DNAH5: variants seen among roughly 807,000 people sequenced by gnomAD.
DNAH5 encodes the protein dynein axonemal heavy chain 5.
DNAH5 carries 372 observed loss-of-function variants against 518.2 expected under a neutral mutation model. The ratio of observed to expected loss-of-function variants is 0.72; its 90% CI spans 0.66 to 0.78. The LOEUF is 0.78. Ranked by LOEUF, DNAH5 falls within the 30% of genes least tolerant of loss-of-function variation. The probability of loss-of-function intolerance (pLI) is 0.00; values close to 1 mark genes in which losing one functional copy is unlikely to be tolerated. For missense variants in DNAH5, 5,523 were observed against 5,687.0 expected (o/e 0.97, Z 0.93); for synonymous variants, 2,039 against 2,025.9 (o/e 1.01, Z -0.17).
At chr5:13,775,133 G>GT (rs34258148) in intron 55 of DNAH5, among the ~76,000 whole-genome samples, 37,111 of 110,648 alleles carry the variant, frequency 0.34, 5,419 homozygotes, top group Middle Eastern at 0.43. Flanking sequence ...ACTCCTTTTT[G>GT]TTTTTTTTTT....
At chr5:13,871,204 AC>A (rs1304900461) in intron 23 of DNAH5, among the ~76,000 whole-genome samples, 2 of 152,196 alleles carry the variant, frequency 1.3e-5, no homozygotes, top group Non-Finnish European at 2.9e-5. Flanking sequence ...CAACAACTCA[AC>A]ACACATTTCA....
At chr5:13,844,427 A>C (rs902886362) in intron 32 of DNAH5, among the ~76,000 whole-genome samples, 4 of 152,224 alleles carry the variant, frequency 2.6e-5, no homozygotes, top group African/African-American at 9.6e-5. Flanking sequence ...TACACATGGA[A>C]GTGTTAAAAA....
In DNAH5 at chr5:13,829,645, T is replaced by C. The variant is rs2151835313; in HGVS notation, c.6309A>G (p.Ser2103=). 2.5e-6 allele frequency: 4 copies of C among 1,614,238 alleles called. No individual in the cohort carries two copies. The highest frequency in any genetic ancestry group is 4.5e-5 in the East Asian group (2 of 44,880). The change falls in exon 38 of 79, where the codon TCA becomes TCG. Residue 2103 remains serine, a synonymous_variant. Coordinates refer to ENST00000265104, the MANE Select transcript of DNAH5 (RefSeq NM_001369.3). ...GACGGTCAGGCACCATCATGGCCAC[T>C]GAGCGGAAATTAATCTTCAAGTTTT... ...LPENLKINFR[S]VAMMVPDRQI... is the part of the protein sequence containing the mutation.
At chr5:13,834,822 C>T (rs1168255691) in intron 35 of DNAH5, among the ~76,000 whole-genome samples, 2 of 152,192 alleles carry the variant, frequency 1.3e-5, no homozygotes, top group Admixed American at 1.3e-4. Flanking sequence ...CCAGATTGTA[C>T]CAGGCCTCAC....
At chr5:13,783,620 T>A (rs1407904476) in intron 52 of DNAH5, among the ~76,000 whole-genome samples, 1 of 152,144 alleles carries the variant, frequency 6.6e-6, no homozygotes, top group East Asian at 1.9e-4. Flanking sequence ...CAAAACCATA[T>A]ACACCATGGT....
intron 65 of DNAH5, among the ~76,000 whole-genome samples, chr5:13,738,718 G>A (rs1345822927): frequency 6.6e-6 from 1 of 152,090 alleles, no homozygotes; most frequent in Non-Finnish European, 1.5e-5. Flanking sequence ...GGAAGAGGAA[G>A]CCCAAAGGCA....
intron 35 of DNAH5, among the ~76,000 whole-genome samples, chr5:13,837,625 T>C (rs1013309748): frequency 1.3e-5 from 2 of 150,718 alleles, no homozygotes; most frequent in Non-Finnish European, 2.9e-5. Context: ...TGCTGGAGAC[T>C]TGAAAGGCAG....
At chr5:13,940,121 T>C (rs1367410654) in intron 1 of DNAH5, among the ~76,000 whole-genome samples, 1 of 152,130 alleles carries the variant, frequency 6.6e-6, no homozygotes, top group Non-Finnish European at 1.5e-5. Context: ...ATGTGTGAAT[T>C]TTCCACCCAG....
chr5:13,758,338 A>G (rs557359197), intron 61 of DNAH5, among the ~76,000 whole-genome samples: 1 of 152,232 alleles, frequency 6.6e-6, no homozygotes, highest in Non-Finnish European at 1.5e-5. Context: ...ACTTGTCTCT[A>G]CAAAAAATTA....
In DNAH5 at chr5:13,788,917, G is replaced by C. The variant is rs772481411; in HGVS notation, c.8449-3C>G. The stretch of plus-strand genomic sequence containing the variant: ...TGCTTCCACAGCTTTAACAGATCCT[G>C]TTGAAAGTATAATTAAAATGTGTTA... On this transcript the variant is annotated splice_region_variant and splice_polypyrimidine_tract_variant and intron_variant, in intron 50 of 78. Transcript: ENST00000265104. 5 of 1,613,710 alleles carry C rather than the reference G, an allele frequency of 3.1e-6. No homozygotes were observed. Among genetic ancestry groups the C allele is most frequent in the Non-Finnish European group, 2.5e-6 (3 of 1,179,706 alleles).
At chr5:13,701,481 C>T (rs1742112906) in intron 76 of DNAH5, 45 bp from the exon 77 acceptor site, 2 of 1,528,180 alleles carry the variant, frequency 1.3e-6, no homozygotes, top group Non-Finnish European at 1.8e-6. Context: ...AAGTTTAATA[C>T]TGCAGTGTAA....
chr5:13,987,500 A>G (rs1243822904), intron 1 of DNAH5, among the ~76,000 whole-genome samples: 1 of 152,172 alleles, frequency 6.6e-6, no homozygotes, highest in Non-Finnish European at 1.5e-5. Flanking sequence ...GATATTAGCA[A>G]ATAAACCAAG....
chr5:13,736,348 G>A (rs1747417863), intron 66 of DNAH5, among the ~76,000 whole-genome samples: 1 of 152,044 alleles, frequency 6.6e-6, no homozygotes, highest in Non-Finnish European at 1.5e-5. Context: ...ACAAGCCATT[G>A]CAAAGATGAT....
At chr5:13,821,684 A>G (rs969865579) in intron 40 of DNAH5, among the ~76,000 whole-genome samples, 1 of 152,234 alleles carries the variant, frequency 6.6e-6, no homozygotes, top group Non-Finnish European at 1.5e-5. Flanking sequence ...AATAATTTTT[A>G]TAATAATCAT....
rs1486352267 is a variant in DNAH5, at chr5:13,842,444, A to AG, written c.5272-541_5272-540insC. On this transcript the variant is annotated intron_variant, in intron 32 of 78. Coordinates refer to ENST00000265104, the MANE Select transcript of DNAH5 (RefSeq NM_001369.3). ...AAAGAAAAGAAAGAAAGAAAGAAAG[A>AG]AAGAAAGAAAGAAAGAAAGAAAGAA... 1.8e-3 allele frequency among the ~76,000 whole-genome samples: 204 copies of AG among 111,488 alleles called. 11 individuals carry two copies. The highest frequency in any genetic ancestry group is 7.4e-3 in the African/African-American group (192 of 25,950). The allele number at this position is 111,488 out of a possible 152,430, so 73.1% of individuals were successfully genotyped here. A position where few individuals can be genotyped will look rare whatever the true frequency, so the allele number is the denominator to read the frequency against.
At chr5:13,969,847 T>C (rs1043825305) in intron 1 of DNAH5, among the ~76,000 whole-genome samples, 1 of 152,180 alleles carries the variant, frequency 6.6e-6, no homozygotes, top group African/African-American at 2.4e-5. Flanking sequence ...ATAGTTTAAG[T>C]CCATTGTTTC....
chr5:13,707,430 T>C lies in DNAH5; in HGVS notation c.13338+693A>G, dbSNP rs957757084. 6.6e-6 allele frequency among the ~76,000 whole-genome samples: 1 copy of C among 152,164 alleles called. No homozygotes were observed. The highest frequency in any genetic ancestry group is 1.5e-5 in the Non-Finnish European group (1 of 68,030). On this transcript the variant is annotated intron_variant, in intron 76 of 78. Transcript: ENST00000265104. The surrounding 1 kb of genome is among the most constrained non-coding windows in gnomAD (Gnocchi z 4.0). ...ATAAAGAGGGTCTAATTGAGCTGAT[T>C]AACGCGAGCCATCTGCAGATGGCAA...
At position 13,911,585 on chromosome 5, in the gene DNAH5, T is replaced by C. The variant is rs1308395411; in HGVS notation, c.1537-92A>G. The C allele has an allele frequency of 5.0e-6, 5 of 1,007,982 alleles. No homozygotes were observed. The African/African-American group carries it at 5.4e-5, about 11-fold the overall frequency. 62.4% of individuals were successfully genotyped at this position (1,007,982 alleles called of 1,614,324 possible). On this transcript the variant is annotated intron_variant, in intron 11 of 78. Transcript: ENST00000265104. ...CTTAAATGTAGAGCCTATACAATAA[T>C]TGCCAGAAAAAAAATAAGTTTAAAG...
intron 61 of DNAH5, among the ~76,000 whole-genome samples, chr5:13,757,805 A>G (rs1751211248): frequency 6.6e-6 from 1 of 152,208 alleles, no homozygotes; most frequent in Non-Finnish European, 1.5e-5. Context: ...CTTGTGGAAG[A>G]CTTATCTTTA....
Sources: allele counts gnomAD v4.1 joint callset (sites outside exome capture counted in the v4.1 genomes callset), GRCh38; gene constraint gnomAD v4.1.1; non-coding constraint Gnocchi (gnomAD v3.1); transcripts MANE v1.5; gene names NCBI Gene and HGNC (gene_info 2026-07-23, HGNC 2026-07-21).